Variants in SEC31A observed in about 807,000 individuals in gnomAD.
SEC31A encodes the protein protein transport protein Sec31A.
Under a neutral mutation model 151.0 loss-of-function variants are expected in SEC31A, and 70 were observed. The ratio of observed to expected loss-of-function variants is 0.46; its 90% CI spans 0.38 to 0.57. SEC31A has a LOEUF of 0.57. Ranked by LOEUF, SEC31A falls within the 20% of genes least tolerant of loss-of-function variation. The pLI, the probability that SEC31A is intolerant of heterozygous loss-of-function variation, is 0.00. For synonymous variants in SEC31A, 475 were observed against 505.9 expected (o/e 0.94, Z 0.82); for missense variants, 1,330 against 1,471.2 (o/e 0.90, Z 1.57).
intron 1 of SEC31A, among the ~76,000 whole-genome samples, chr4:82,889,458 G>A (rs1741736781): frequency 6.7e-6 from 1 of 148,842 alleles, no homozygotes; most frequent in Admixed American, 6.8e-5. Flanking sequence ...GAGGCGGGAG[G>A]ATCTCTTGAG....
Position 82,863,375 on chromosome 4 carries a change from A to C in SEC31A, c.1452T>G (p.Asp484Glu). 6.3e-7 allele frequency: 1 copy of C among 1,577,622 alleles called. No individual in the cohort carries two copies. Among genetic ancestry groups the C allele is most frequent in the Non-Finnish European group, 8.6e-7 (1 of 1,167,436 alleles). The change falls in exon 12 of 27, where the codon GAT (aspartate) becomes GAG (glutamate). Residue 484 changes from aspartate (D) to glutamate (E), a missense_variant. Asp to Glu is a conservative substitution (Grantham distance 45, BLOSUM62 2). Transcript: ENST00000395310. ...GAAGTTCAAGGTATTTTCCACGAGA[A>C]TCATCCTCAAAGTTTACCTTTAAAA... ...WSFLKVNFED[D>E]SRGKYLELLG...
At chr4:82,886,270 T>G (rs766271625) in intron 1 of SEC31A, among the ~76,000 whole-genome samples, 1 of 152,234 alleles carries the variant, frequency 6.6e-6, no homozygotes, top group Non-Finnish European at 1.5e-5. Flanking sequence ...GTTAAAAGCA[T>G]GGTCTCTGGA....
upstream of SEC31A, chr4:82,894,061 T>C (rs1292835127): frequency 6.6e-6 from 1 of 152,194 alleles, no homozygotes; most frequent in African/African-American, 2.4e-5. Context: ...ATTGTTGTGG[T>C]GAAGAACTCT....
chr4:82,849,130 T>C (rs867303444), intron 19 of SEC31A, among the ~76,000 whole-genome samples, 153 bp from the exon 20 acceptor site: 1 of 152,152 alleles, frequency 6.6e-6, no homozygotes, highest in African/African-American at 2.4e-5. Context: ...AGATTTGACA[T>C]TGTGCTTTCT....
intron 1 of SEC31A, among the ~76,000 whole-genome samples, chr4:82,886,435 C>T (rs753124168): frequency 1.3e-5 from 2 of 152,084 alleles, no homozygotes; most frequent in Non-Finnish European, 2.9e-5. Flanking sequence ...TGAGATCATA[C>T]GTTTTATAAT....
At chr4:82,891,786 A>G (rs1362040930), upstream of SEC31A, among the ~76,000 whole-genome samples, 1 of 152,244 alleles carries the variant, frequency 6.6e-6, no homozygotes, top group African/African-American at 2.4e-5. Context: ...GAGACCCGGT[A>G]GCACTCACCT....
chr4:82,844,314 G>A, intron 21 of SEC31A, 72 bp downstream of exon 21: 2 of 1,467,768 alleles, frequency 1.4e-6, no homozygotes, highest in Non-Finnish European at 1.9e-6. Flanking sequence ...ATGACTTTGG[G>A]GCTTCAAAGT....
chr4:82,847,303 C>T (rs899716618), intron 20 of SEC31A, among the ~76,000 whole-genome samples: 16 of 152,328 alleles, frequency 1.1e-4, no homozygotes, highest in East Asian at 5.8e-4. Flanking sequence ...GTTAACACTG[C>T]ATTAAAACCA....
intron 1 of SEC31A, among the ~76,000 whole-genome samples, chr4:82,887,514 C>T (rs962885209): frequency 3.3e-5 from 5 of 152,164 alleles, no homozygotes; most frequent in African/African-American, 1.2e-4. Flanking sequence ...AGGGCAGACA[C>T]CCTCAGTTTA....
At chr4:82,836,567 C>T (rs2149138469) in intron 22 of SEC31A, among the ~76,000 whole-genome samples, 1 of 152,054 alleles carries the variant, frequency 6.6e-6, no homozygotes, top group South Asian at 2.1e-4. Context: ...CATGCTACAA[C>T]ATAGATGAAC....
At chr4:82,836,817 A>G (rs913325269) in intron 22 of SEC31A, among the ~76,000 whole-genome samples, 11 of 152,252 alleles carry the variant, frequency 7.2e-5, no homozygotes, top group African/African-American at 2.2e-4. Context: ...ATAGAACTGA[A>G]TAAGATCTAG....
chr4:82,862,659 A>G, intron 12 of SEC31A, 87 bp from the exon 13 acceptor site: 1 of 1,144,102 alleles, frequency 8.7e-7, no homozygotes, highest in East Asian at 2.4e-5. Context: ...CTCACTGGCG[A>G]AAATCCACAA....
At chr4:82,844,137 A>T in intron 21 of SEC31A, 1 of 396,460 alleles carries the variant, frequency 2.5e-6, no homozygotes, top group Non-Finnish European at 4.4e-6. Context: ...ATTATCTTTA[A>T]CAAGTCTTAG....
intron 22 of SEC31A, among the ~76,000 whole-genome samples, chr4:82,833,244 T>C (rs1175161164): frequency 1.3e-5 from 2 of 152,192 alleles, no homozygotes; most frequent in South Asian, 4.1e-4. Context: ...GATGAGTTCA[T>C]GTACTTTGCA....
At chr4:82,888,561 G>T (rs1004219224) in intron 1 of SEC31A, among the ~76,000 whole-genome samples, 1 of 151,516 alleles carries the variant, frequency 6.6e-6, no homozygotes, top group African/African-American at 2.4e-5. Flanking sequence ...GTGATGGCGC[G>T]GCCAGTAGTC....
rs200553555 is a variant in SEC31A, at chr4:82,886,048, G to A, written c.-4-4108C>T. 1.7e-4 allele frequency among the ~76,000 whole-genome samples: 19 copies of A among 111,422 alleles called. 1 individual carries two copies. In the East Asian group the frequency reaches 3.1e-3, roughly 18 times the overall value. 73.1% of individuals were successfully genotyped at this position (111,422 alleles called of 152,430 possible). ...CATGCTAGCAAGGGGGCAAGGGGCA[G>A]AGCCAAGATTGGAACTTGCAAGTTT... is the stretch of plus-strand genomic sequence containing the variant. On this transcript the variant is annotated intron_variant, in intron 1 of 26. Coordinates refer to ENST00000395310, the MANE Select transcript of SEC31A (RefSeq NM_001077207.4).
intron 22 of SEC31A, 79 bp downstream of exon 22, chr4:82,842,061 A>T: frequency 8.4e-7 from 1 of 1,195,146 alleles, no homozygotes. Context: ...AACAGTTAGA[A>T]ATAATACCCC....
chr4:82,871,393 G>A, intron 7 of SEC31A: 2 of 1,524,956 alleles, frequency 1.3e-6, no homozygotes, highest in South Asian at 1.2e-5. Flanking sequence ...AAATCTAACT[G>A]CAGTAAGTCG....
chr4:82,819,796 C>CT (rs2148880164), intron 26 of SEC31A, among the ~76,000 whole-genome samples: 1 of 151,670 alleles, frequency 6.6e-6, no homozygotes, highest in African/African-American at 2.4e-5. Context: ...GAGTCTCACT[C>CT]TGTCACCCAG....
Sources: allele counts gnomAD v4.1 joint callset (sites outside exome capture counted in the v4.1 genomes callset), GRCh38; gene constraint gnomAD v4.1.1; transcripts MANE v1.5; gene names NCBI Gene and HGNC (gene_info 2026-07-23, HGNC 2026-07-21).